The following PDE2A variants were observed in gnomAD, a reference collection of about 807,000 sequenced individuals.
PDE2A encodes cGMP-dependent 3',5'-cyclic phosphodiesterase.
PDE2A carries 53 observed loss-of-function variants against 133.6 expected under a neutral mutation model. The ratio of observed to expected loss-of-function variants is 0.40; its 90% confidence interval spans 0.32 to 0.50. The LOEUF is 0.50. Ranked by LOEUF, PDE2A falls within the 20% of genes least tolerant of loss-of-function variation. The pLI, the probability that PDE2A is intolerant of heterozygous loss-of-function variation, is 0.73. For missense variants in PDE2A, 796 were observed against 1,232.4 expected (o/e 0.65, Z 5.30); for synonymous variants, 491 against 490.2 (o/e 1.00, Z -0.02).
chr11:72,591,889 A>G (rs1431364354), intron 6 of PDE2A, among the ~76,000 whole-genome samples: 1 of 152,246 alleles, frequency 6.6e-6, no homozygotes, highest in Non-Finnish European at 1.5e-5. Context: ...GATTCTCACC[A>G]CTGTGATGCA....
chr11:72,615,454 C>T (rs1257474362), intron 2 of PDE2A, among the ~76,000 whole-genome samples: 4 of 152,192 alleles, frequency 2.6e-5, no homozygotes, highest in Admixed American at 6.5e-5. Flanking sequence ...CAGTCCCTCA[C>T]CCAGAGTCTG....
intron 22 of PDE2A, 65 bp downstream of exon 22, chr11:72,581,812 G>T: frequency 1.4e-6 from 2 of 1,417,554 alleles, no homozygotes; most frequent in Non-Finnish European, 2.0e-6. Context: ...AATGCCGGGG[G>T]CAACGGATGT....
intron 6 of PDE2A, among the ~76,000 whole-genome samples, chr11:72,594,096 T>C (rs1038813031): frequency 2.6e-5 from 4 of 152,204 alleles, no homozygotes; most frequent in African/African-American, 9.7e-5. Context: ...GCCTGTCTAA[T>C]CTGTCTTGGT....
chr11:72,605,943 A>T (rs561446299), intron 3 of PDE2A, among the ~76,000 whole-genome samples: 95 of 152,232 alleles, frequency 6.2e-4, no homozygotes, highest in African/African-American at 2.2e-3. Context: ...GGCTGGGCCC[A>T]AGGTCAGTAG....
At chr11:72,620,513 G>T (rs1476977037) in intron 2 of PDE2A, among the ~76,000 whole-genome samples, 1 of 152,102 alleles carries the variant, frequency 6.6e-6, no homozygotes, top group Non-Finnish European at 1.5e-5. Flanking sequence ...CTGTTTCAAG[G>T]CCTCTGTAGT....
At position 72,601,414 on chromosome 11, in the gene PDE2A, G is replaced by A. The variant is rs551836009; in HGVS notation, c.323+3724C>T. ...CCTTCCCCCAGCATGTGAGGATCCCGAGATGGGAGCAGACCGTTCCCGGTG... is the reference window on the plus strand; with the variant it reads ...CCTTCCCCCAGCATGTGAGGATCCCAAGATGGGAGCAGACCGTTCCCGGTG... On this transcript the variant is annotated intron_variant, in intron 4 of 30. Transcript: ENST00000334456. 5.9e-5 allele frequency among the ~76,000 whole-genome samples: 8 copies of A among 135,090 alleles called. No individual in the cohort carries two copies. The South Asian group carries it at 8.6e-4, about 14-fold the overall frequency. 88.6% of individuals were successfully genotyped at this position (135,090 alleles called of 152,430 possible). A position where few individuals can be genotyped will look rare whatever the true frequency, so the allele number is the denominator to read the frequency against.
At chr11:72,604,987 G>A in intron 4 of PDE2A, 151 bp downstream of exon 4, 1 of 522,076 alleles carries the variant, frequency 1.9e-6, no homozygotes, top group East Asian at 3.0e-5. Context: ...CTGTGCTGGA[G>A]TCAGCAACCT....
intron 2 of PDE2A, among the ~76,000 whole-genome samples, chr11:72,639,813 C>T (rs1858875912): frequency 6.6e-6 from 1 of 152,156 alleles, no homozygotes; most frequent in Admixed American, 6.5e-5. Context: ...GCATGGAGAA[C>T]ATTCCAGGGC....
chr11:72,588,705 C>G, intron 13 of PDE2A, 79 bp downstream of exon 13: 1 of 1,412,518 alleles, frequency 7.1e-7, no homozygotes, highest in Non-Finnish European at 9.8e-7. Flanking sequence ...CAGTACCCAT[C>G]CCACATTGTT....
At chr11:72,659,522 C>T (rs2135456319) in intron 1 of PDE2A, 1 of 152,134 alleles carries the variant, frequency 6.6e-6, no homozygotes, top group Admixed American at 6.5e-5. Context: ...CCTGCTTGCG[C>T]TCTAATTAAG....
At chr11:72,615,646 G>A (rs1857432188) in intron 2 of PDE2A, among the ~76,000 whole-genome samples, 1 of 151,984 alleles carries the variant, frequency 6.6e-6, no homozygotes, top group African/African-American at 2.4e-5. Context: ...ACCGAGAGTG[G>A]TCCCATTTCT....
chr11:72,593,163 A>G lies in PDE2A; in HGVS notation c.490-1807T>C, dbSNP rs536064611. ...CCTCACACACATGCACTTACACTCA[A>G]TCTCCCATGGAGGTGGTACACACAC... On this transcript the variant is annotated intron_variant, in intron 6 of 30. Transcript: ENST00000334456. Among the ~76,000 whole-genome samples the G allele has an allele frequency of 1.8e-4, 26 of 142,468 alleles. No individual in the cohort carries two copies. In the South Asian group the frequency reaches 5.2e-3, roughly 29 times the overall value. 93.5% of individuals were successfully genotyped at this position (142,468 alleles called of 152,430 possible). A position where few individuals can be genotyped will look rare whatever the true frequency, so the allele number is the denominator to read the frequency against.
Position 72,578,221 on chromosome 11 carries a change from G to A in PDE2A, c.2615+12C>T, listed in dbSNP as rs764843894. On this transcript the variant is annotated intron_variant, in intron 30 of 30. Coordinates refer to ENST00000334456, the MANE Select transcript of PDE2A (RefSeq NM_002599.5). This position sits in a 1 kb window ranked among gnomAD's most constrained non-coding sequence, Gnocchi z 4.2. ...TGTGCAGGGTGCAGCTTGTCCCCAT[G>A]AGCTCACTCACTTGTAGATGGGCAT... is the stretch of plus-strand genomic sequence containing the variant. The A allele has an allele frequency of 7.2e-6, 11 of 1,523,808 alleles. No individual in the cohort carries two copies. Among genetic ancestry groups the A allele is most frequent in the Non-Finnish European group, 1.0e-5 (11 of 1,097,020 alleles). The allele number at this position is 1,523,808 out of a possible 1,614,324, so 94.4% of individuals were successfully genotyped here.
chr11:72,604,021 C>T (rs1856864770), intron 4 of PDE2A, among the ~76,000 whole-genome samples: 1 of 152,214 alleles, frequency 6.6e-6, no homozygotes, highest in Admixed American at 6.5e-5. Context: ...CCTGAAAAAG[C>T]CACATCCCTG....
intron 4 of PDE2A, chr11:72,598,752 A>G (rs1856599491): frequency 8.1e-7 from 1 of 1,234,802 alleles, no homozygotes; most frequent in South Asian, 1.4e-5. Context: ...CGAGGACCAA[A>G]GAGGTTGAGC....
intron 1 of PDE2A, among the ~76,000 whole-genome samples, chr11:72,671,618 G>A (rs927281130): frequency 4.6e-5 from 7 of 152,136 alleles, no homozygotes; most frequent in African/African-American, 1.4e-4. Context: ...GGGAATGACT[G>A]CGGGGGGTGG....
At chr11:72,581,232 C>T in intron 23 of PDE2A, 125 bp downstream of exon 23, 3 of 993,276 alleles carry the variant, frequency 3.0e-6, no homozygotes, top group Non-Finnish European at 4.6e-6. Flanking sequence ...CCCCTCTAGT[C>T]CCCTGGGGCT....
chr11:72,594,741 GA>G (rs1856395073), intron 6 of PDE2A, among the ~76,000 whole-genome samples: 1 of 151,996 alleles, frequency 6.6e-6, no homozygotes, highest in South Asian at 2.1e-4. Flanking sequence ...CCTCTGCCTA[GA>G]ATCCCCTTTC....
chr11:72,641,014 C>T lies in PDE2A; in HGVS notation c.144+1240G>A, dbSNP rs117895777. 1.5e-3 allele frequency among the ~76,000 whole-genome samples: 231 copies of T among 152,272 alleles called. 7 individuals carry two copies. The East Asian group carries it at 0.041, about 27-fold the overall frequency. On this transcript the variant is annotated intron_variant, in intron 2 of 30. Transcript: ENST00000334456. ...CACACATGATTACACACAAGACACACCCAACACATGCAACCCAGCCCGTGC... is the reference window on the plus strand; with the variant it reads ...CACACATGATTACACACAAGACACATCCAACACATGCAACCCAGCCCGTGC...
Sources: gnomAD v4.1 joint callset for allele counts (sites outside exome capture counted in the v4.1 genomes callset) on GRCh38, gnomAD v4.1.1 for gene constraint, Gnocchi (gnomAD v3.1) non-coding constraint, MANE v1.5 for transcripts, NCBI Gene and HGNC (gene_info 2026-07-23, HGNC 2026-07-21) for gene names.